The following DMD variants were observed in gnomAD, a reference collection of about 807,000 sequenced individuals.
DMD encodes dystrophin, also known as mutant dystrophin.
In DMD, 63 loss-of-function variants were observed where a neutral mutation model predicts 330.1. The ratio of observed to expected loss-of-function variants is 0.19; its 90% CI spans 0.16 to 0.24. DMD has a LOEUF of 0.24. Among genes scored for constraint, DMD ranks in the 10% least tolerant of loss-of-function variants. The pLI, the probability that DMD is intolerant of heterozygous loss-of-function variation, is 1.00. For missense variants in DMD, 3,344 were observed against 2,684.1 expected (o/e 1.25, Z -5.43); for synonymous variants, 1,223 against 959.8 (o/e 1.27, Z -5.07).
intron 2 of DMD, among the ~76,000 whole-genome samples, chrX:32,859,169 GT>G (rs1258222882): frequency 9.0e-6 from 1 of 111,148 alleles, no homozygotes; most frequent in African/African-American, 3.3e-5. Context: ...AATTCTAGGT[GT>G]AAAAACGTTT....
intron 62 of DMD, among the ~76,000 whole-genome samples, chrX:31,274,113 G>C (rs1457672574): frequency 8.9e-6 from 1 of 111,945 alleles, no homozygotes; most frequent in Non-Finnish European, 1.9e-5. Flanking sequence ...AGAGGTCTGA[G>C]TTTAGTAAAC....
chrX:32,791,082 G>T (rs1191335083), intron 7 of DMD, among the ~76,000 whole-genome samples: 1 of 110,774 alleles, frequency 9.0e-6, no homozygotes, highest in Non-Finnish European at 1.9e-5. Flanking sequence ...GCCTGAATTT[G>T]GGCCCACTCA....
chrX:32,721,837 T>G (rs2066352577), intron 7 of DMD, among the ~76,000 whole-genome samples: 1 of 110,373 alleles, frequency 9.1e-6, no homozygotes, highest in Non-Finnish European at 1.9e-5. Context: ...TATTTAAGTC[T>G]TTAGTCCATT....
At chrX:31,605,573 A>G (rs2077572051) in intron 55 of DMD, among the ~76,000 whole-genome samples, 1 of 112,008 alleles carries the variant, frequency 8.9e-6, no homozygotes, top group Admixed American at 9.5e-5. Flanking sequence ...ACAAAAAAGA[A>G]TAATTTGCTA....
chrX:31,830,200 C>T (rs181118430), intron 49 of DMD, among the ~76,000 whole-genome samples: 30 of 112,596 alleles, frequency 2.7e-4, no homozygotes, highest in African/African-American at 8.1e-4. Context: ...CACAATCACT[C>T]GTGGCAGAGA....
At chrX:31,955,047 G>GTGTCTGTT (rs1413520389) in intron 45 of DMD, among the ~76,000 whole-genome samples, 1 of 106,636 alleles carries the variant, frequency 9.4e-6, no homozygotes, top group Non-Finnish European at 1.9e-5. Context: ...GTAGTAGCCC[G>GTGTCTGTT]TGTCTGTGGT....
chrX:31,748,361 A>G (rs1034932446), intron 51 of DMD, among the ~76,000 whole-genome samples: 2 of 112,225 alleles, frequency 1.8e-5, no homozygotes, highest in Admixed American at 1.9e-4. Flanking sequence ...AGGGCAGCAC[A>G]AAATGGGAGG....
chrX:32,093,899 A>G (rs140307917), intron 44 of DMD, among the ~76,000 whole-genome samples: 1,220 of 111,084 alleles, frequency 0.011, 20 homozygotes, highest in African/African-American at 0.038. Context: ...TTAGTTTAAA[A>G]TGTCATTTTA....
chrX:32,738,541 C>T (rs1484883202), intron 7 of DMD, among the ~76,000 whole-genome samples: 1 of 111,631 alleles, frequency 9.0e-6, no homozygotes, highest in Non-Finnish European at 1.9e-5. Flanking sequence ...ATAATAAGCT[C>T]ATATTAAATA....
chrX:32,733,036 C>T (rs1180080900), intron 7 of DMD, among the ~76,000 whole-genome samples: 2 of 109,639 alleles, frequency 1.8e-5, no homozygotes, highest in Admixed American at 1.9e-4. Context: ...TGCAGAGACA[C>T]ACATAGGCTC....
intron 1 of DMD, among the ~76,000 whole-genome samples, chrX:33,158,794 T>C (rs1333843812): frequency 1.8e-5 from 2 of 111,593 alleles, no homozygotes; most frequent in African/African-American, 6.5e-5. Flanking sequence ...TGAATCATTA[T>C]TTATTTGGTC....
rs1245604423 is a variant in DMD, at chrX:32,501,823, G to A, written c.2312C>T (p.Ala771Val). ...EKVNAIEREK[A>V]EKFRKLQDAS... ...ATCTTGCAGTTTTCTGAACTTCTCA[G>A]CTTTTTCTCGCTCTATGGCCTGCAG... The change falls in exon 19 of 79, where the codon GCT becomes GTT. Residue 771 changes from alanine to valine, a missense_variant. Transcript: ENST00000357033. The A allele has an allele frequency of 2.9e-5, 35 of 1,202,661 alleles. No individual in the cohort carries two copies. The highest frequency in any genetic ancestry group is 3.8e-5 in the Non-Finnish European group (34 of 890,412).
intron 1 of DMD, among the ~76,000 whole-genome samples, chrX:33,289,447 C>T (rs6628794): frequency 0.32 from 35,178 of 110,197 alleles, 4,744 homozygotes; most frequent in African/African-American, 0.52. Context: ...ATTTTAAAAA[C>T]TGTACACATG....
intron 2 of DMD, among the ~76,000 whole-genome samples, chrX:32,889,080 G>T (rs147039813): frequency 0.015 from 1,621 of 110,526 alleles, 23 homozygotes; most frequent in African/African-American, 0.051. Flanking sequence ...AACAGAGAAG[G>T]TTGGGGGTAT....
intron 63 of DMD, among the ~76,000 whole-genome samples, chrX:31,223,707 C>T (rs1243915937): frequency 1.8e-5 from 2 of 111,701 alleles, no homozygotes; most frequent in African/African-American, 3.3e-5. Context: ...CTTTGAGAGG[C>T]CAAGGTGGGA....
At chrX:32,303,425 G>T (rs768483922) in intron 42 of DMD, among the ~76,000 whole-genome samples, 2 of 111,214 alleles carry the variant, frequency 1.8e-5, no homozygotes, top group South Asian at 7.5e-4. Context: ...CCTGGTGGCT[G>T]TGTGTATGTA....
chrX:31,245,978 G>A (rs2048796220), intron 63 of DMD, among the ~76,000 whole-genome samples: 1 of 112,218 alleles, frequency 8.9e-6, no homozygotes, highest in Admixed American at 9.5e-5. Flanking sequence ...TGAGCTTAGT[G>A]AGGAAAGCAT....
At chrX:31,472,224 G>T (rs1473730067) in intron 59 of DMD, among the ~76,000 whole-genome samples, 1 of 112,075 alleles carries the variant, frequency 8.9e-6, no homozygotes, top group Non-Finnish European at 1.9e-5. Context: ...TCAGAGTTGG[G>T]AGAGCTTACA....
At chrX:32,464,764 G>C in intron 23 of DMD, 65 bp from the exon 24 acceptor site, 1 of 804,459 alleles carries the variant, frequency 1.2e-6, no homozygotes, top group Non-Finnish European at 1.9e-6. Context: ...ATTCATCATT[G>C]TGTTATGTCT....
Sources: gnomAD v4.1 joint callset for allele counts (sites outside exome capture counted in the v4.1 genomes callset) on GRCh38, gnomAD v4.1.1 for gene constraint, MANE v1.5 for transcripts, NCBI Gene and HGNC (gene_info 2026-07-23, HGNC 2026-07-21) for gene names.